SYTL3: variants seen among roughly 807,000 people sequenced by gnomAD.
SYTL3 encodes synaptotagmin-like protein 3.
A neutral mutation model predicts 82.1 loss-of-function variants in SYTL3; 88 were observed. That is an observed-to-expected ratio of 1.07 (90% CI 0.90 to 1.28). The LOEUF (loss-of-function observed/expected upper bound fraction) is 1.28, where lower values mean the gene tolerates loss of function less well. SYTL3 is among the 50% of genes most tolerant of loss of function. SYTL3 has a pLI of 0.00. For synonymous variants in SYTL3, 311 were observed against 289.4 expected (o/e 1.07, Z -0.76); for missense variants, 831 against 757.6 (o/e 1.10, Z -1.14).
rs368814613 is a variant in SYTL3 at position 158,756,236 on chromosome 6, C to T, written c.1138-975C>T. On this transcript the variant is annotated intron_variant, in intron 13 of 17. Transcript: ENST00000611299. Reference sequence around the variant, plus strand: ...CCATGCTTGGCTGGGGAATGGGTTCCCTCGTCACTCTTGGGTGTGTTGGGA... The same window carrying T: ...CCATGCTTGGCTGGGGAATGGGTTCTCTCGTCACTCTTGGGTGTGTTGGGA... Among the ~76,000 whole-genome samples the T allele has an allele frequency of 1.4e-4, 22 of 152,262 alleles. No individual in the cohort carries two copies. The East Asian group carries it at 3.5e-3, about 24-fold the overall frequency.
Position 158,757,299 on chromosome 6 carries a change from G to A in SYTL3, c.1226G>A (p.Gly409Glu), listed in dbSNP as rs1789259944. ...ACGCTGGCCCGGAGAGTGTTTCTTG[G>A]AGAAGTGATCATTCCTCTGGCCACG... ...LGTLARRVFLGEVIIPLATWD... is the reference protein window; with the variant it reads ...LGTLARRVFLEEVIIPLATWD... The change falls in exon 14 of 18, where the codon GGA becomes GAA. Residue 409 changes from glycine (G) to glutamate (E), a missense_variant. By Grantham distance (98) the Gly-to-Glu change is moderately conservative. Transcript: ENST00000611299. The A allele has an allele frequency of 6.2e-7, 1 of 1,613,838 alleles. No homozygotes were observed.
chr6:158,664,562 G>A (rs1223103032), intron 4 of SYTL3, among the ~76,000 whole-genome samples: 3 of 152,068 alleles, frequency 2.0e-5, no homozygotes, highest in South Asian at 2.1e-4. Flanking sequence ...ACAAAAAAAC[G>A]AAAACAAAAA....
At position 158,752,076 on chromosome 6, in the gene SYTL3, G is replaced by GGT. The variant is rs765664074; in HGVS notation, c.1137+48_1137+49dup. 7 of 1,439,870 alleles carry GGT rather than the reference G, an allele frequency of 4.9e-6. No individual in the cohort carries two copies. In the South Asian group the frequency reaches 7.0e-5, roughly 14 times the overall value. The allele number at this position is 1,439,870 out of a possible 1,614,324, so 89.2% of individuals were successfully genotyped here. A position where few individuals can be genotyped will look rare whatever the true frequency, so the allele number is the denominator to read the frequency against. On this transcript the variant is annotated intron_variant, in intron 13 of 17. Transcript: ENST00000611299. ...CCTGTGCAGAGTCCTCCCGAGCCCG[G>GGT]GTGGAGCGCCTGGGGCAGAGTCCAG...
chr6:158,763,165 A>G lies in SYTL3; in HGVS notation c.1518-139A>G, dbSNP rs976183303. On this transcript the variant is annotated intron_variant, in intron 16 of 17. Transcript: ENST00000611299. The stretch of plus-strand genomic sequence containing the variant: ...AAATGTGCCGAGTCCTGTGGTTCCC[A>G]CCCTGCTTCACTGGGGAGGGTGTGG... 7.6e-6 allele frequency: 6 copies of G among 787,520 alleles called. No individual in the cohort carries two copies. In the African/African-American group the frequency reaches 8.6e-5, roughly 11 times the overall value. 48.8% of individuals were successfully genotyped at this position (787,520 alleles called of 1,614,324 possible). A position where few individuals can be genotyped will look rare whatever the true frequency, so the allele number is the denominator to read the frequency against.
chr6:158,712,961 C>G (rs374615170), intron 8 of SYTL3, among the ~76,000 whole-genome samples: 2 of 151,846 alleles, frequency 1.3e-5, no homozygotes, highest in African/African-American at 4.8e-5. Context: ...CGGGGTTTCA[C>G]GTGTTAGCCA....
At position 158,760,655 on chromosome 6, in the gene SYTL3, G is replaced by GACAGC. The variant is rs1286804669; in HGVS notation, c.1325_1329dup (p.Val444ThrfsTer44). On this transcript the variant is annotated frameshift_variant, in exon 15 of 18. Transcript: ENST00000611299. LOFTEE classifies it high-confidence loss of function. ...TTGTCCCCAGGCGGAGAAATACGAA[G>GACAGC]ACAGCGTTCCTCAGAGTAATGGAGA... 21 of 1,614,012 alleles carry GACAGC rather than the reference G, an allele frequency of 1.3e-5. No individual in the cohort carries two copies. The highest frequency in any genetic ancestry group is 1.8e-5 in the Non-Finnish European group (21 of 1,179,930).
intron 5 of SYTL3, among the ~76,000 whole-genome samples, chr6:158,666,451 T>C (rs988993787): frequency 6.6e-6 from 1 of 152,198 alleles, no homozygotes; most frequent in African/African-American, 2.4e-5. Flanking sequence ...CCAACTTGGC[T>C]TAGACTCCTG....
At chr6:158,748,375 T>A (rs1440027246) in intron 12 of SYTL3, among the ~76,000 whole-genome samples, 1 of 152,192 alleles carries the variant, frequency 6.6e-6, no homozygotes, top group Non-Finnish European at 1.5e-5. Flanking sequence ...ATTGTTCTAG[T>A]CTTAGCTTTT....
chr6:158,707,592 A>C (rs1782242606), intron 7 of SYTL3, among the ~76,000 whole-genome samples: 1 of 152,256 alleles, frequency 6.6e-6, no homozygotes, highest in African/African-American at 2.4e-5. Context: ...GAAATTCTAA[A>C]GCAAGCATGT....
At chr6:158,681,722 A>G (rs990724316) in intron 5 of SYTL3, among the ~76,000 whole-genome samples, 1 of 152,200 alleles carries the variant, frequency 6.6e-6, no homozygotes, top group Non-Finnish European at 1.5e-5. Context: ...CCAAATCTCC[A>G]TCAACACACA....
At chr6:158,711,925 A>G (rs554500863) in intron 8 of SYTL3, among the ~76,000 whole-genome samples, 1 of 152,170 alleles carries the variant, frequency 6.6e-6, no homozygotes, top group Non-Finnish European at 1.5e-5. Flanking sequence ...TTTATCAGCA[A>G]GGTCTTTATG....
chr6:158,681,625 T>C (rs867116010), intron 5 of SYTL3, among the ~76,000 whole-genome samples: 1 of 151,998 alleles, frequency 6.6e-6, no homozygotes, highest in African/African-American at 2.4e-5. Flanking sequence ...TTGAAGTGAC[T>C]TGAGATCGTG....
chr6:158,692,390 A>G lies in SYTL3; in HGVS notation c.394+9401A>G, dbSNP rs114445009. On this transcript the variant is annotated intron_variant, in intron 6 of 17. Transcript: ENST00000611299. ...TAATTTAGAAAGGCTAAGGCTTAAC[A>G]TAGCCTCTGATAATGCTCTCAATGA... 8.7e-3 allele frequency among the ~76,000 whole-genome samples: 1,330 copies of G among 152,024 alleles called. 24 individuals carry two copies. Among genetic ancestry groups the G allele is most frequent in the African/African-American group, 0.03 (1,237 of 41,504 alleles).
chr6:158,676,637 A>C (rs1448374525), intron 5 of SYTL3, among the ~76,000 whole-genome samples: 2 of 152,196 alleles, frequency 1.3e-5, no homozygotes, highest in African/African-American at 4.8e-5. Context: ...AATGAGAGAA[A>C]ATTTTTGCAA....
chr6:158,738,010 A>G (rs904078333), intron 11 of SYTL3, among the ~76,000 whole-genome samples: 15 of 152,184 alleles, frequency 9.9e-5, no homozygotes, highest in Non-Finnish European at 1.5e-4. Context: ...AGTAATGACA[A>G]TGCTTCCTGG....
chr6:158,647,814 G>A (rs9456335), upstream of SYTL3, among the ~76,000 whole-genome samples: 20,781 of 152,294 alleles, frequency 0.14, 1,603 homozygotes, highest in Middle Eastern at 0.2. Context: ...TGAATCTTAG[G>A]TTTGTTTTTC....
chr6:158,645,365 C>A (rs1351588773), upstream of SYTL3, among the ~76,000 whole-genome samples: 1 of 152,146 alleles, frequency 6.6e-6, no homozygotes, highest in Non-Finnish European at 1.5e-5. Flanking sequence ...TATGTGGGTT[C>A]TTTATGGAAA....
chr6:158,681,889 A>G (rs1447905380), intron 5 of SYTL3, among the ~76,000 whole-genome samples: 1 of 152,238 alleles, frequency 6.6e-6, no homozygotes, highest in Non-Finnish European at 1.5e-5. Flanking sequence ...GTTTTCCTGT[A>G]GCCCATCACT....
chr6:158,686,595 C>A (rs1013140617), intron 6 of SYTL3, among the ~76,000 whole-genome samples: 1 of 152,158 alleles, frequency 6.6e-6, no homozygotes, highest in Non-Finnish European at 1.5e-5. Context: ...AATTCCACCA[C>A]GCTCCTATTT....
Sources: gnomAD v4.1 joint callset for allele counts (sites outside exome capture counted in the v4.1 genomes callset) on GRCh38, gnomAD v4.1.1 for gene constraint, MANE v1.5 for transcripts, NCBI Gene and HGNC (gene_info 2026-07-23, HGNC 2026-07-21) for gene names.